Variants in BRAP observed in about 807,000 individuals in gnomAD.
The protein encoded by BRAP is BRCA1-associated protein.
BRAP carries 42 observed loss-of-function variants against 73.4 expected under a neutral mutation model. The ratio of observed to expected loss-of-function variants is 0.57; its 90% CI spans 0.45 to 0.74. BRAP has a LOEUF of 0.74. Among genes scored for constraint, BRAP ranks in the 30% least tolerant of loss-of-function variants. BRAP has a pLI of 0.00. For missense variants in BRAP, 593 were observed against 751.4 expected (o/e 0.79, Z 2.46); for synonymous variants, 255 against 267.4 (o/e 0.95, Z 0.45).
chr12:111,642,787 T>G lies in BRAP; in HGVS notation c.*1412A>C, dbSNP rs1289794897. ...TTAAGAATGTCTGAGTACATTCATT[T>G]TGCAACATTACACGTAAAGTTTTTT... On this transcript the variant is annotated 3_prime_UTR_variant, in exon 12 of 12. Coordinates refer to ENST00000419234, the MANE Select transcript of BRAP (RefSeq NM_006768.5). The G allele has an allele frequency of 6.6e-6, 1 of 152,182 alleles. No individual in the cohort carries two copies. Among genetic ancestry groups the G allele is most frequent in the East Asian group, 1.9e-4 (1 of 5,202 alleles). The allele number at this position is 152,182 out of a possible 1,614,324, so 9.4% of individuals were successfully genotyped here.
chr12:111,666,798 A>C (rs1886961708), intron 5 of BRAP, among the ~76,000 whole-genome samples: 1 of 152,222 alleles, frequency 6.6e-6, no homozygotes, highest in Non-Finnish European at 1.5e-5. Flanking sequence ...ATTAACCTAC[A>C]GTCCCTGAAG....
intron 5 of BRAP, among the ~76,000 whole-genome samples, chr12:111,667,879 A>ATG (rs1265725539): frequency 6.6e-6 from 1 of 151,932 alleles, no homozygotes; most frequent in Non-Finnish European, 1.5e-5. Flanking sequence ...ATTGGTCAAC[A>ATG]TGTATACATT....
chr12:111,668,645 C>CT (rs560483710), intron 5 of BRAP, among the ~76,000 whole-genome samples: 2,518 of 139,576 alleles, frequency 0.018, 53 homozygotes, highest in African/African-American at 0.055. Flanking sequence ...AAAAAGAATT[C>CT]TTTTTTTTTT....
intron 3 of BRAP, among the ~76,000 whole-genome samples, chr12:111,680,595 A>G (rs891306938): frequency 1.3e-5 from 2 of 151,586 alleles, no homozygotes; most frequent in African/African-American, 4.8e-5. Context: ...AGCTACTCTG[A>G]GGCAGGAGAA....
chr12:111,679,480 C>T (rs1887517954), intron 3 of BRAP, 140 bp from the exon 4 acceptor site: 1 of 494,844 alleles, frequency 2.0e-6, no homozygotes. Flanking sequence ...ATATTATACC[C>T]CCCATTGGAC....
At chr12:111,661,546 T>C (rs962215314) in intron 6 of BRAP, among the ~76,000 whole-genome samples, 5 of 152,052 alleles carry the variant, frequency 3.3e-5, no homozygotes, top group African/African-American at 1.2e-4. Context: ...CCCAAAGTAC[T>C]GGGATTACAG....
At position 111,665,581 on chromosome 12, in the gene BRAP, T is replaced by C; in HGVS notation, c.896+58A>G. On this transcript the variant is annotated intron_variant, in intron 6 of 11. Transcript: ENST00000419234. This position sits in a 1 kb window ranked among gnomAD's most constrained non-coding sequence, Gnocchi z 4.3. ...GTTCATTTCTGCTGGTGGCTCTTTTTAATTCTGGAAGGGTTGCAATGGGCT... is the reference window on the plus strand; with the variant it reads ...GTTCATTTCTGCTGGTGGCTCTTTTCAATTCTGGAAGGGTTGCAATGGGCT... 1.9e-6 allele frequency: 3 copies of C among 1,586,364 alleles called. No homozygotes were observed. The East Asian group carries it at 6.8e-5, about 36-fold the overall frequency.
chr12:111,667,698 CAAAAAAAA>C (rs565349424), intron 5 of BRAP, among the ~76,000 whole-genome samples: 11 of 21,288 alleles, frequency 5.2e-4, no homozygotes, highest in South Asian at 3.4e-3. Flanking sequence ...AACTCCGTCT[CAAAAAAAA>C]AAAAAAAAAA....
At chr12:111,671,511 C>T (rs1887169300) in intron 5 of BRAP, among the ~76,000 whole-genome samples, 1 of 151,934 alleles carries the variant, frequency 6.6e-6, no homozygotes, top group African/African-American at 2.4e-5. Context: ...GAGAGTGCCA[C>T]TGCACTCCAG....
Position 111,683,191 on chromosome 12 carries a change from G to A in BRAP, c.199C>T (p.Arg67Ter), listed in dbSNP as rs756238292. Residue 67 changes from arginine (R) to a stop codon, truncating the protein, a stop_gained, in exon 2 of 12, where the codon CGA becomes TGA. Coordinates refer to ENST00000419234, the MANE Select transcript of BRAP (RefSeq NM_006768.5). LOFTEE classifies it high-confidence loss of function. The part of the protein sequence containing the change: ...VAIIHQHLGR[R>*]EMTDVIIETM... ...TCAATGATCACATCTGTCATTTCTC[G>A]ACGGCCGAGATGCTGATGGATAATC... is the stretch of plus-strand genomic sequence containing the variant. The A allele has an allele frequency of 9.3e-6, 15 of 1,614,060 alleles. No individual in the cohort carries two copies. The highest frequency in any genetic ancestry group is 2.2e-5 in the East Asian group (1 of 44,880).
At chr12:111,653,302 T>A (rs748414283) in intron 10 of BRAP, among the ~76,000 whole-genome samples, 5 of 151,802 alleles carry the variant, frequency 3.3e-5, no homozygotes, top group Non-Finnish European at 7.4e-5. Context: ...TTGTACTACA[T>A]CCTAATATTT....
chr12:111,665,929 A>C lies in BRAP; in HGVS notation c.748-142T>G. 1 of 1,169,838 alleles carries C rather than the reference A, an allele frequency of 8.5e-7. No homozygotes were observed. The highest frequency in any genetic ancestry group is 1.2e-6 in the Non-Finnish European group (1 of 838,744). The allele number at this position is 1,169,838 out of a possible 1,614,324, so 72.5% of individuals were successfully genotyped here. ...GCAATCATGGCTCATTACAGCCTTG[A>C]CCTCCCAGGCTCAAGAGATCTGCCC... is the stretch of plus-strand genomic sequence containing the variant. On this transcript the variant is annotated intron_variant, in intron 5 of 11. Transcript: ENST00000419234. This position sits in a 1 kb window ranked among gnomAD's most constrained non-coding sequence, Gnocchi z 4.3.
chr12:111,650,069 C>A, intron 10 of BRAP, 27 bp from the exon 11 acceptor site: 2 of 1,480,358 alleles, frequency 1.4e-6, no homozygotes, highest in South Asian at 2.3e-5. Flanking sequence ...AAATCAGATT[C>A]ATTTCACAAA....
chr12:111,664,201 G>A (rs1886850835), intron 6 of BRAP, among the ~76,000 whole-genome samples: 1 of 152,094 alleles, frequency 6.6e-6, no homozygotes, highest in Non-Finnish European at 1.5e-5. Context: ...GTGAGATGGT[G>A]CACACCTGTA....
chr12:111,678,290 G>A (rs1278396829), intron 4 of BRAP, among the ~76,000 whole-genome samples: 2 of 150,720 alleles, frequency 1.3e-5, no homozygotes, highest in Non-Finnish European at 3.0e-5. Context: ...GGGGGTAATG[G>A]AAAAATAATA....
chr12:111,646,503 G>A (rs533472797), intron 11 of BRAP, among the ~76,000 whole-genome samples: 3 of 152,122 alleles, frequency 2.0e-5, no homozygotes, highest in African/African-American at 4.8e-5. Flanking sequence ...GGCCAGGCAC[G>A]GTGGCTCACG....
intron 11 of BRAP, among the ~76,000 whole-genome samples, chr12:111,649,492 G>A (rs1833754702): frequency 6.6e-6 from 1 of 152,204 alleles, no homozygotes; most frequent in South Asian, 2.1e-4. Context: ...CCAAATAACA[G>A]TAAATAAGGA....
Position 111,665,268 on chromosome 12 carries a change from C to T in BRAP, c.896+371G>A, listed in dbSNP as rs1025375572. ...AGCTAAAATATTAGGCTGCTGTAGC[C>T]CAGTTGATAAGAAGCCCAGAGTGAA... On this transcript the variant is annotated intron_variant, in intron 6 of 11. Transcript: ENST00000419234. This position sits in a 1 kb window ranked among gnomAD's most constrained non-coding sequence, Gnocchi z 4.3. 2.6e-5 allele frequency among the ~76,000 whole-genome samples: 4 copies of T among 152,112 alleles called. No homozygotes were observed. The highest frequency in any genetic ancestry group is 5.9e-5 in the Non-Finnish European group (4 of 68,028).
chr12:111,667,437 C>T (rs1179845571), intron 5 of BRAP, among the ~76,000 whole-genome samples: 1 of 151,948 alleles, frequency 6.6e-6, no homozygotes, highest in African/African-American at 2.4e-5. Flanking sequence ...GGGTGGCTCA[C>T]GCCTGTTAAG....
Sources: allele counts gnomAD v4.1 joint callset (sites outside exome capture counted in the v4.1 genomes callset), GRCh38; gene constraint gnomAD v4.1.1; non-coding constraint Gnocchi (gnomAD v3.1); transcripts MANE v1.5; gene names NCBI Gene and HGNC (gene_info 2026-07-23, HGNC 2026-07-21).